The following DYNC2I1 variants were observed in gnomAD, a reference collection of about 807,000 sequenced individuals.
DYNC2I1 encodes cytoplasmic dynein 2 intermediate chain 1.
In DYNC2I1, 89 loss-of-function variants were observed where a neutral mutation model predicts 133.4. The ratio of observed to expected loss-of-function variants is 0.67; its 90% CI spans 0.56 to 0.80. DYNC2I1 has a LOEUF of 0.80. Ranked by LOEUF, DYNC2I1 falls within the 30% of genes least tolerant of loss-of-function variation. DYNC2I1 has a pLI of 0.00. For missense variants in DYNC2I1, 1,291 were observed against 1,314.5 expected, an observed-to-expected ratio of 0.98 and a Z score of 0.28; for synonymous variants, 504 against 484.3, an observed-to-expected ratio of 1.04 and a Z score of -0.54.
chr7:158,856,364 C>G (rs909109257), upstream of DYNC2I1, among the ~76,000 whole-genome samples: 3 of 152,274 alleles, frequency 2.0e-5, no homozygotes, highest in Non-Finnish European at 4.4e-5. Flanking sequence ...CACCCCAAGT[C>G]AGGGTACTGC....
intron 14 of DYNC2I1, among the ~76,000 whole-genome samples, chr7:158,918,414 A>G (rs1028783861): frequency 1.2e-4 from 18 of 152,048 alleles, no homozygotes; most frequent in Admixed American, 1.1e-3. Flanking sequence ...CGGTGGGTTC[A>G]TGACTGCTCT....
chr7:158,853,563 G>A (rs377741003), upstream of DYNC2I1, among the ~76,000 whole-genome samples: 12 of 152,124 alleles, frequency 7.9e-5, no homozygotes, highest in East Asian at 3.9e-4. Context: ...TCTCCTTGCC[G>A]GCTGCTCAGA....
downstream of DYNC2I1, among the ~76,000 whole-genome samples, chr7:158,957,567 G>C (rs1423843564): frequency 6.6e-6 from 1 of 152,166 alleles, no homozygotes; most frequent in African/African-American, 2.4e-5. Context: ...TCCTTCCCAC[G>C]TGCCACGGGC....
chr7:158,843,684 C>G, the DYNC2I1 span, among the ~76,000 whole-genome samples: 1 of 152,124 alleles, frequency 6.6e-6, no homozygotes, highest in Non-Finnish European at 1.5e-5. Flanking sequence ...GCTGAGCCAC[C>G]GTGCCCAGCC....
At chr7:158,898,074 C>A (rs1330306615) in intron 8 of DYNC2I1, among the ~76,000 whole-genome samples, 1 of 152,136 alleles carries the variant, frequency 6.6e-6, no homozygotes, top group African/African-American at 2.4e-5. Flanking sequence ...TTACTGATTT[C>A]TAGTGTGATT....
intron 12 of DYNC2I1, among the ~76,000 whole-genome samples, 188 bp downstream of exon 12, chr7:158,911,867 A>C (rs1373559552): frequency 1.3e-5 from 2 of 152,232 alleles, no homozygotes; most frequent in Non-Finnish European, 1.5e-5. Context: ...GGCACAGGCA[A>C]AGCCGGAGGC....
chr7:158,884,379 C>A (rs575464521), intron 5 of DYNC2I1, among the ~76,000 whole-genome samples, 185 bp from the exon 6 acceptor site: 1 of 152,260 alleles, frequency 6.6e-6, no homozygotes, highest in Non-Finnish European at 1.5e-5. Flanking sequence ...TATCCATTTT[C>A]TTTACATTTA....
chr7:158,897,965 T>C (rs907562052), intron 8 of DYNC2I1, among the ~76,000 whole-genome samples: 2 of 152,240 alleles, frequency 1.3e-5, no homozygotes, highest in African/African-American at 4.8e-5. Context: ...TTCAAAATGC[T>C]TTTACATTTC....
chr7:158,939,873 G>A (rs929307668), intron 23 of DYNC2I1, among the ~76,000 whole-genome samples: 2 of 152,090 alleles, frequency 1.3e-5, no homozygotes, highest in Admixed American at 6.6e-5. Context: ...TGACAAAAAG[G>A]GGTCTATATA....
At chr7:158,917,358 ACTAAACACCTC>A (rs1848533616) in intron 14 of DYNC2I1, among the ~76,000 whole-genome samples, 1 of 149,044 alleles carries the variant, frequency 6.7e-6, no homozygotes, top group Non-Finnish European at 1.5e-5. Flanking sequence ...TCCACCTCTC[ACTAAACACCTC>A]CTGTCCTCCA....
At chr7:158,947,083 C>T (rs1023857244), downstream of DYNC2I1, among the ~76,000 whole-genome samples, 5 of 152,248 alleles carry the variant, frequency 3.3e-5, no homozygotes, top group Admixed American at 6.5e-5. Context: ...CCTGCTACAG[C>T]GCCTGCTGTG....
chr7:158,872,457 A>C (rs1842971287), intron 3 of DYNC2I1, among the ~76,000 whole-genome samples: 1 of 151,930 alleles, frequency 6.6e-6, no homozygotes, highest in Admixed American at 6.6e-5. Flanking sequence ...ACATGGTGAG[A>C]CCCTGTCTCT....
rs756120292 is a variant in DYNC2I1, at chr7:158,913,113, G to C, written c.1702+17G>C. 1 of 1,563,788 alleles carries C rather than the reference G, an allele frequency of 6.4e-7. No homozygotes were observed. Among genetic ancestry groups the C allele is most frequent in the Non-Finnish European group, 8.8e-7 (1 of 1,139,102 alleles). ...TATCTGGAGGTAACATCTTGCTCTTGAGTGTTGACCATTGACTCTCTTTAC... is the reference window on the plus strand; with the variant it reads ...TATCTGGAGGTAACATCTTGCTCTTCAGTGTTGACCATTGACTCTCTTTAC... On this transcript the variant is annotated intron_variant, in intron 13 of 24. Coordinates refer to ENST00000407559, the MANE Select transcript of DYNC2I1 (RefSeq NM_018051.5).
intron 4 of DYNC2I1, among the ~76,000 whole-genome samples, chr7:158,955,270 C>T (rs1852171122): frequency 6.6e-6 from 1 of 152,216 alleles, no homozygotes; most frequent in African/African-American, 2.4e-5. Context: ...CTGGGCCACG[C>T]CTGCCCTTTG....
chr7:158,849,622 G>C, the DYNC2I1 span, among the ~76,000 whole-genome samples: 1 of 152,228 alleles, frequency 6.6e-6, no homozygotes, highest in African/African-American at 2.4e-5. Context: ...TTCTCACAGC[G>C]AGGAGGCCCT....
chr7:158,856,493 C>T (rs1342901411), upstream of DYNC2I1: 5 of 390,214 alleles, frequency 1.3e-5, no homozygotes, highest in East Asian at 3.7e-5. Context: ...CGAGCAGCGA[C>T]CACTCGGCCT....
At chr7:158,904,696 C>G (rs1452342875) in intron 10 of DYNC2I1, 1 of 153,498 alleles carries the variant, frequency 6.5e-6, no homozygotes, top group Non-Finnish European at 1.5e-5. Context: ...TGGTCTGGTC[C>G]TTATCACAGT....
chr7:158,890,135 A>T, intron 7 of DYNC2I1, among the ~76,000 whole-genome samples: 1 of 151,896 alleles, frequency 6.6e-6, no homozygotes, highest in African/African-American at 2.4e-5. Context: ...GGTGCGAGCC[A>T]CCACAACTGG....
chr7:158,866,987 A>G (rs1171732951), intron 1 of DYNC2I1, among the ~76,000 whole-genome samples: 2 of 151,608 alleles, frequency 1.3e-5, no homozygotes, highest in African/African-American at 4.8e-5. Context: ...TTGTCCATGA[A>G]AAGTTTCCAT....
Sources: gnomAD v4.1 joint callset for allele counts (sites outside exome capture counted in the v4.1 genomes callset) on GRCh38, gnomAD v4.1.1 for gene constraint, MANE v1.5 for transcripts, NCBI Gene and HGNC (gene_info 2026-07-23, HGNC 2026-07-21) for gene names.